XKR9: variants seen among roughly 807,000 people sequenced by gnomAD.
XKR9 encodes XK related 9.
A neutral mutation model predicts 32.0 loss-of-function variants in XKR9; 32 were observed. The observed-to-expected ratio is 1.00, with a 90% confidence interval of 0.76 to 1.34. XKR9 has a LOEUF of 1.34. Ranked by LOEUF, XKR9 falls within the 40% of genes most tolerant of loss-of-function variation. The pLI, the probability that XKR9 is intolerant of heterozygous loss-of-function variation, is 0.00. For synonymous variants in XKR9, 168 were observed against 143.4 expected (o/e 1.17, Z -1.22); for missense variants, 546 against 429.7 (o/e 1.27, Z -2.39).
At chr8:70,700,409 C>G (rs1392429714) in intron 3 of XKR9, among the ~76,000 whole-genome samples, 1 of 152,138 alleles carries the variant, frequency 6.6e-6, no homozygotes, top group Non-Finnish European at 1.5e-5. Context: ...CAGACAGGAC[C>G]CTCAGCTGCA....
chr8:70,713,900 C>T (rs1806004358), intron 4 of XKR9, among the ~76,000 whole-genome samples: 1 of 152,102 alleles, frequency 6.6e-6, no homozygotes, highest in South Asian at 2.1e-4. Flanking sequence ...ATACTACAGA[C>T]TGAGTAGCTT....
the XKR9 span, among the ~76,000 whole-genome samples, chr8:70,974,417 G>A: frequency 3.0e-4 from 45 of 151,906 alleles, no homozygotes; most frequent in African/African-American, 8.7e-4. Context: ...GACAGGCCCC[G>A]GTGTTTGCTG....
the XKR9 span, among the ~76,000 whole-genome samples, chr8:70,844,810 C>A: frequency 3.3e-5 from 5 of 152,212 alleles, no homozygotes; most frequent in African/African-American, 1.2e-4. Context: ...CCCATTGCAG[C>A]AACTGCTAAC....
At chr8:70,731,439 A>G (rs1179500244) in intron 4 of XKR9, among the ~76,000 whole-genome samples, 4 of 152,110 alleles carry the variant, frequency 2.6e-5, no homozygotes. Context: ...GGTTCAAGCC[A>G]CTTTACAAAA....
At chr8:70,913,810 G>A in the XKR9 span, among the ~76,000 whole-genome samples, 1 of 152,000 alleles carries the variant, frequency 6.6e-6, no homozygotes, top group Non-Finnish European at 1.5e-5. Flanking sequence ...TGGCTGTTTT[G>A]GAAAGTTATA....
chr8:71,010,711 C>T, the XKR9 span, among the ~76,000 whole-genome samples: 1 of 152,186 alleles, frequency 6.6e-6, no homozygotes, highest in African/African-American at 2.4e-5. Flanking sequence ...ATAGTCTCCA[C>T]TAGAAAGAGA....
chr8:70,748,762 C>A (rs1427111529), intron 2 of XKR9, among the ~76,000 whole-genome samples: 1 of 152,178 alleles, frequency 6.6e-6, no homozygotes, highest in African/African-American at 2.4e-5. Flanking sequence ...AATCCACTGC[C>A]CAGATGAGAA....
chr8:70,760,545 T>C (rs1807293603), intron 2 of XKR9, among the ~76,000 whole-genome samples: 1 of 152,158 alleles, frequency 6.6e-6, no homozygotes, highest in Non-Finnish European at 1.5e-5. Context: ...TTTGCTATGT[T>C]TCCCAGGCTA....
At chr8:71,010,965 G>T in the XKR9 span, among the ~76,000 whole-genome samples, 2 of 152,104 alleles carry the variant, frequency 1.3e-5, no homozygotes, top group Non-Finnish European at 2.9e-5. Context: ...TAGATAGATG[G>T]CGTGATTAAA....
the XKR9 span, among the ~76,000 whole-genome samples, chr8:71,031,077 T>A: frequency 1.3e-5 from 2 of 152,156 alleles, no homozygotes; most frequent in African/African-American, 4.8e-5. Context: ...ACTAAACTGT[T>A]AATTCTCAAA....
At chr8:70,716,245 T>A (rs1293864379) in intron 4 of XKR9, among the ~76,000 whole-genome samples, 1 of 152,136 alleles carries the variant, frequency 6.6e-6, no homozygotes, top group Non-Finnish European at 1.5e-5. Context: ...ACTCCAGGAA[T>A]AATGAAATAT....
At chr8:70,769,136 T>TCCCTTAG (rs1437730337) in intron 2 of XKR9, among the ~76,000 whole-genome samples, 1 of 152,084 alleles carries the variant, frequency 6.6e-6, no homozygotes, top group Non-Finnish European at 1.5e-5. Context: ...AGTGACAAAA[T>TCCCTTAG]CCCTTAGCAT....
At chr8:70,855,311 A>C in the XKR9 span, among the ~76,000 whole-genome samples, 12 of 152,232 alleles carry the variant, frequency 7.9e-5, no homozygotes, top group Admixed American at 3.9e-4. Flanking sequence ...AAACCACAGC[A>C]CGAGAACTAC....
chr8:70,958,994 T>G, the XKR9 span, among the ~76,000 whole-genome samples: 18 of 152,146 alleles, frequency 1.2e-4, no homozygotes, highest in Non-Finnish European at 2.9e-5. Context: ...CTAATTATTA[T>G]GTTTTAATTA....
chr8:71,004,998 C>CTTTTTT, the XKR9 span, among the ~76,000 whole-genome samples: 16 of 48,232 alleles, frequency 3.3e-4, 1 homozygote, highest in Non-Finnish European at 5.9e-4. Context: ...TTAATCTATG[C>CTTTTTT]TTTTTTTTTT....
At chr8:70,890,416 C>T in the XKR9 span, among the ~76,000 whole-genome samples, 25 of 152,026 alleles carry the variant, frequency 1.6e-4, no homozygotes, top group East Asian at 4.8e-3. Flanking sequence ...TCAACTTTTC[C>T]CCTTTCAGTA....
chr8:70,928,527 G>T, the XKR9 span, among the ~76,000 whole-genome samples: 1 of 152,046 alleles, frequency 6.6e-6, no homozygotes, highest in African/African-American at 2.4e-5. Flanking sequence ...TGCCTGATGT[G>T]ACATTGATCA....
chr8:70,884,021 T>C, the XKR9 span, among the ~76,000 whole-genome samples: 1 of 152,310 alleles, frequency 6.6e-6, no homozygotes, highest in African/African-American at 2.4e-5. Flanking sequence ...TGAAAGTTCC[T>C]GTTGCTCCAC....
the XKR9 span, among the ~76,000 whole-genome samples, chr8:70,935,122 C>T: frequency 0.13 from 16,160 of 127,248 alleles, 1,075 homozygotes; most frequent in African/African-American, 0.24. Flanking sequence ...TATATATATA[C>T]ACACACACAC....
Sources: gnomAD v4.1 joint callset for allele counts (sites outside exome capture counted in the v4.1 genomes callset) on GRCh38, gnomAD v4.1.1 for gene constraint, MANE v1.5 for transcripts, NCBI Gene and HGNC (gene_info 2026-07-23, HGNC 2026-07-21) for gene names.